The following GPHN variants were observed in gnomAD, a reference collection of about 807,000 sequenced individuals.
GPHN encodes gephyrin.
A neutral mutation model predicts 95.5 loss-of-function variants in GPHN; 17 were observed. The ratio of observed to expected loss-of-function variants is 0.18; its 90% CI spans 0.12 to 0.27. The LOEUF is 0.27. Among genes scored for constraint, GPHN ranks in the 10% least tolerant of loss-of-function variants. The probability of loss-of-function intolerance (pLI) is 1.00; values close to 1 mark genes in which losing one functional copy is unlikely to be tolerated. For synonymous variants in GPHN, 320 were observed against 322.5 expected (o/e 0.99, Z 0.08); for missense variants, 660 against 978.1 (o/e 0.67, Z 4.34).
At chr14:67,550,973 G>A in the GPHN span, among the ~76,000 whole-genome samples, 1 of 152,206 alleles carries the variant, frequency 6.6e-6, no homozygotes, top group South Asian at 2.1e-4. Flanking sequence ...TGCATGTACA[G>A]TGCTTATGAC....
chr14:67,670,502 C>T, the GPHN span, among the ~76,000 whole-genome samples: 1 of 152,008 alleles, frequency 6.6e-6, no homozygotes, highest in African/African-American at 2.4e-5. Flanking sequence ...AAGTCCAGCC[C>T]TTTTTATGGT....
chr14:67,256,248 T>C, the GPHN span, among the ~76,000 whole-genome samples: 1 of 144,574 alleles, frequency 6.9e-6, no homozygotes, highest in African/African-American at 2.5e-5. Flanking sequence ...TTTATAAACA[T>C]CTTCTATGTA....
chr14:66,834,132 C>T (rs2061694108), intron 4 of GPHN, among the ~76,000 whole-genome samples: 1 of 152,132 alleles, frequency 6.6e-6, no homozygotes, highest in African/African-American at 2.4e-5. Flanking sequence ...TTGCTCTTGG[C>T]TGTGCTCAAA....
chr14:67,579,682 G>C, the GPHN span: 1 of 1,600,458 alleles, frequency 6.2e-7, no homozygotes, highest in Non-Finnish European at 8.5e-7. Flanking sequence ...GCTCCTCTCA[G>C]GAGGTTCACT....
At chr14:67,491,540 C>G in the GPHN span, among the ~76,000 whole-genome samples, 1 of 152,184 alleles carries the variant, frequency 6.6e-6, no homozygotes, top group Non-Finnish European at 1.5e-5. Context: ...TCCTTTCACT[C>G]AGGAAATTTC....
chr14:67,341,548 T>C, the GPHN span, among the ~76,000 whole-genome samples: 1 of 146,978 alleles, frequency 6.8e-6, no homozygotes, highest in East Asian at 2.1e-4. Flanking sequence ...AGCCGCCCCG[T>C]CCGGGAGGGA....
chr14:66,952,984 G>A (rs2068209261), intron 8 of GPHN, among the ~76,000 whole-genome samples: 1 of 151,566 alleles, frequency 6.6e-6, no homozygotes, highest in African/African-American at 2.4e-5. Context: ...GTGAGCCACT[G>A]CACCGGGCCT....
intron 5 of GPHN, among the ~76,000 whole-genome samples, chr14:66,885,488 A>AT: frequency 6.6e-6 from 1 of 152,128 alleles, no homozygotes; most frequent in Non-Finnish European, 1.5e-5. Flanking sequence ...AGAATGGGTA[A>AT]TTAAGGACCT....
At chr14:67,225,926 A>AGTGTGTGTGTGTGTGTGTGTGTGTGTGT in the GPHN span, among the ~76,000 whole-genome samples, 1 of 136,630 alleles carries the variant, frequency 7.3e-6, no homozygotes, top group Non-Finnish European at 1.6e-5. Context: ...TAATGCTGTG[A>AGTGTGTGTGTGTGTGTGTGTGTGTGTGT]GTGTGTGTGT....
intron 10 of GPHN, among the ~76,000 whole-genome samples, chr14:67,056,033 C>T (rs2075550383): frequency 6.6e-6 from 1 of 152,188 alleles, no homozygotes; most frequent in African/African-American, 2.4e-5. Context: ...AGCACGGACC[C>T]AAAGAGTGAG....
At chr14:66,976,080 A>G (rs2070200503) in intron 9 of GPHN, among the ~76,000 whole-genome samples, 1 of 152,160 alleles carries the variant, frequency 6.6e-6, no homozygotes, top group African/African-American at 2.4e-5. Context: ...AATAATTTAC[A>G]TGTGTTTATC....
intron 9 of GPHN, among the ~76,000 whole-genome samples, chr14:66,972,720 A>T (rs1451518683): frequency 6.6e-6 from 1 of 152,006 alleles, no homozygotes; most frequent in Non-Finnish European, 1.5e-5. Context: ...ATTGTCATAT[A>T]ATATTGTAAT....
chr14:67,595,122 GCGAGACTC>G, the GPHN span, among the ~76,000 whole-genome samples: 2 of 147,056 alleles, frequency 1.4e-5, no homozygotes, highest in African/African-American at 5.0e-5. Flanking sequence ...GGGTGACAGA[GCGAGACTC>G]CGTCTAAAAA....
At chr14:67,219,665 T>TA in the GPHN span, among the ~76,000 whole-genome samples, 1 of 152,148 alleles carries the variant, frequency 6.6e-6, no homozygotes, top group African/African-American at 2.4e-5. Flanking sequence ...TTAGAAATGA[T>TA]AAAAAATGAA....
At chr14:66,557,700 T>C (rs2060063801) in intron 1 of GPHN, among the ~76,000 whole-genome samples, 1 of 152,206 alleles carries the variant, frequency 6.6e-6, no homozygotes, top group Non-Finnish European at 1.5e-5. Flanking sequence ...AGTTGAGGGC[T>C]GTCACATTAT....
the GPHN span, among the ~76,000 whole-genome samples, chr14:67,538,411 T>A: frequency 6.6e-6 from 1 of 152,200 alleles, no homozygotes; most frequent in East Asian, 1.9e-4. Context: ...ATCTCAGGGA[T>A]AAAGAGAGAA....
At position 66,862,503 on chromosome 14, in the gene GPHN, A is replaced by G. The variant is rs191407949; in HGVS notation, c.295-17436A>G. The stretch of plus-strand genomic sequence containing the variant: ...ATTCTATGAGACCAGTGTTACCCTG[A>G]TACCAAAATCAGGCCAAGACATGTA... On this transcript the variant is annotated intron_variant, in intron 4 of 22. Transcript: ENST00000478722. Among the ~76,000 whole-genome samples, 3 of 152,258 alleles carry G rather than the reference A, an allele frequency of 2.0e-5. No homozygotes were observed. The East Asian group carries it at 5.8e-4, about 29-fold the overall frequency.
At chr14:67,280,853 T>TTCCCTCCTTCCTTCCCTCCTTCCC in the GPHN span, among the ~76,000 whole-genome samples, 2 of 77,610 alleles carry the variant, frequency 2.6e-5, no homozygotes, top group Non-Finnish European at 2.1e-5. Context: ...CCTTCCTTCC[T>TTCCCTCCTTCCTTCCCTCCTTCCC]TCCCTCCCTC....
At chr14:66,608,109 G>A (rs1051249169) in intron 1 of GPHN, among the ~76,000 whole-genome samples, 9 of 131,654 alleles carry the variant, frequency 6.8e-5, no homozygotes, top group Non-Finnish European at 1.1e-4. Context: ...TCTAATTTTT[G>A]ATGAATGCAT....
Sources: allele counts gnomAD v4.1 joint callset (sites outside exome capture counted in the v4.1 genomes callset), GRCh38; gene constraint gnomAD v4.1.1; transcripts MANE v1.5; gene names NCBI Gene and HGNC (gene_info 2026-07-23, HGNC 2026-07-21).